The following NCKAP5 variants were observed in gnomAD, a reference collection of about 807,000 sequenced individuals.
NCKAP5 encodes the protein NCK associated protein 5, also known as nck-associated protein 5.
A neutral mutation model predicts 167.0 loss-of-function variants in NCKAP5; 92 were observed. The observed-to-expected ratio is 0.55, with a 90% CI of 0.47 to 0.66. The LOEUF (loss-of-function observed/expected upper bound fraction) is 0.66. Among genes scored for constraint, NCKAP5 ranks in the 30% least tolerant of loss-of-function variants. The probability of loss-of-function intolerance (pLI) is 0.00; values close to 1 mark genes in which losing one functional copy is unlikely to be tolerated. For missense variants in NCKAP5, 2,378 were observed against 2,315.0 expected, an observed-to-expected ratio of 1.03 and a Z score of -0.56; for synonymous variants, 891 against 877.4, an observed-to-expected ratio of 1.02 and a Z score of -0.27.
At chr2:132,815,646 T>C (rs72847244) in intron 11 of NCKAP5, among the ~76,000 whole-genome samples, 28,206 of 152,212 alleles carry the variant, frequency 0.19, 2,918 homozygotes, top group East Asian at 0.3. Flanking sequence ...TTAACTTGAA[T>C]GTACAAAAAT....
At chr2:132,787,580 T>G (rs1015011227) in intron 13 of NCKAP5, among the ~76,000 whole-genome samples, 5 of 152,206 alleles carry the variant, frequency 3.3e-5, no homozygotes, top group Non-Finnish European at 7.3e-5. Flanking sequence ...AAATTACTCT[T>G]GCTATCAACA....
At chr2:133,522,909 G>T (rs1432759535) in intron 2 of NCKAP5, among the ~76,000 whole-genome samples, 1 of 152,168 alleles carries the variant, frequency 6.6e-6, no homozygotes, top group Non-Finnish European at 1.5e-5. Flanking sequence ...TCAGAGCAAT[G>T]GGTTGGAGGC....
At chr2:133,507,155 C>T (rs1374339343) in intron 3 of NCKAP5, among the ~76,000 whole-genome samples, 1 of 152,182 alleles carries the variant, frequency 6.6e-6, no homozygotes, top group African/African-American at 2.4e-5. Context: ...TCACTCTCAG[C>T]GTTCACCAAC....
At chr2:133,349,776 C>T (rs1483487177) in intron 3 of NCKAP5, among the ~76,000 whole-genome samples, 1 of 152,190 alleles carries the variant, frequency 6.6e-6, no homozygotes, top group African/African-American at 2.4e-5. Context: ...AAACAGTTCA[C>T]TTCCTTCCAA....
rs1165568563 is a variant in NCKAP5 at position 133,330,053 on chromosome 2, CTTTTTTT to C, written c.70-26950_70-26944del. The stretch of plus-strand genomic sequence containing the variant: ...GGGAATGTGGCCAAGAAAGCAAGAC[CTTTTTTT>C]TTTTTTTTTTTTTTTTTTTTTTCTG... On this transcript the variant is annotated intron_variant, in intron 3 of 19. Transcript: ENST00000409261. 3.9e-4 allele frequency among the ~76,000 whole-genome samples: 33 copies of C among 85,698 alleles called. No homozygotes were observed. In the East Asian group the frequency reaches 8.0e-3, roughly 21 times the overall value. The allele number at this position is 85,698 out of a possible 152,430, so 56.2% of individuals were successfully genotyped here. A position where few individuals can be genotyped will look rare whatever the true frequency, so the allele number is the denominator to read the frequency against.
rs568422939 is a variant in NCKAP5, at chr2:133,221,967, C to G, written c.144-8188G>C. Among the ~76,000 whole-genome samples the G allele has an allele frequency of 8.5e-5, 13 of 152,254 alleles. No homozygotes were observed. In the East Asian group the frequency reaches 1.9e-3, roughly 23 times the overall value. ...GTCACTTCTTTGAGAGATACTGGACCTATTTTACTTTTGCATTTAAAAAGA... is the reference window on the plus strand; with the variant it reads ...GTCACTTCTTTGAGAGATACTGGACGTATTTTACTTTTGCATTTAAAAAGA... On this transcript the variant is annotated intron_variant, in intron 4 of 19. Transcript: ENST00000409261.
intron 6 of NCKAP5, among the ~76,000 whole-genome samples, chr2:133,038,008 A>G (rs1433412553): frequency 6.6e-6 from 1 of 152,180 alleles, no homozygotes. Flanking sequence ...ACCCTTGTAA[A>G]CTGTTGGTGG....
At chr2:133,357,520 A>C (rs1265298267) in intron 3 of NCKAP5, among the ~76,000 whole-genome samples, 1 of 152,204 alleles carries the variant, frequency 6.6e-6, no homozygotes, top group Non-Finnish European at 1.5e-5. Context: ...TGTTAACAGG[A>C]CACAGCTAAG....
At chr2:133,241,085 G>A (rs751990436) in intron 4 of NCKAP5, among the ~76,000 whole-genome samples, 7 of 152,156 alleles carry the variant, frequency 4.6e-5, no homozygotes, top group Admixed American at 6.5e-5. Context: ...TGACTAGCAG[G>A]CAAAGAAAAC....
chr2:133,526,770 T>C (rs1684960003), intron 2 of NCKAP5, among the ~76,000 whole-genome samples: 1 of 152,090 alleles, frequency 6.6e-6, no homozygotes, highest in Non-Finnish European at 1.5e-5. Context: ...TTATAATACA[T>C]TACATAAAAC....
chr2:133,217,843 CCT>C (rs1444641074), intron 4 of NCKAP5, among the ~76,000 whole-genome samples: 1 of 151,998 alleles, frequency 6.6e-6, no homozygotes, highest in Non-Finnish European at 1.5e-5. Context: ...ACACATATAC[CCT>C]GATTCCCACA....
intron 8 of NCKAP5, among the ~76,000 whole-genome samples, chr2:132,885,653 G>A (rs1399759187): frequency 6.6e-6 from 1 of 152,152 alleles, no homozygotes; most frequent in African/African-American, 2.4e-5. Context: ...GTGGAAAAGG[G>A]GTTTGACTTG....
At chr2:133,469,901 C>T (rs7573825) in intron 3 of NCKAP5, among the ~76,000 whole-genome samples, 67,285 of 143,118 alleles carry the variant, frequency 0.47, 17,454 homozygotes, top group East Asian at 0.68. Context: ...TTATTCTAGT[C>T]ATACATTCTT....
the NCKAP5 span, among the ~76,000 whole-genome samples, chr2:133,574,554 G>A: frequency 1.3e-5 from 2 of 151,772 alleles, no homozygotes; most frequent in Non-Finnish European, 2.9e-5. Flanking sequence ...GGCAAGGAAG[G>A]TGGCTCAGGG....
chr2:133,200,799 C>A (rs975585266), intron 5 of NCKAP5, among the ~76,000 whole-genome samples: 1 of 152,066 alleles, frequency 6.6e-6, no homozygotes, highest in African/African-American at 2.4e-5. Context: ...GCAAACAGCC[C>A]AAATATCTGT....
At chr2:132,977,790 T>G (rs537520369) in intron 7 of NCKAP5, among the ~76,000 whole-genome samples, 6 of 152,250 alleles carry the variant, frequency 3.9e-5, no homozygotes, top group Admixed American at 6.5e-5. Context: ...CAGGCAAAAC[T>G]CAGTGCATAG....
intron 3 of NCKAP5, among the ~76,000 whole-genome samples, chr2:133,475,997 C>T (rs564589825): frequency 1.2e-4 from 18 of 152,210 alleles, no homozygotes; most frequent in Non-Finnish European, 1.8e-4. Context: ...AAAATCAGTT[C>T]TGTACTGTGC....
chr2:132,906,387 T>A (rs1271709259), intron 8 of NCKAP5, among the ~76,000 whole-genome samples: 1 of 152,172 alleles, frequency 6.6e-6, no homozygotes, highest in Non-Finnish European at 1.5e-5. Flanking sequence ...ATTTTCTAGA[T>A]GAGAGATTAT....
chr2:133,316,099 C>T (rs1681590841), intron 3 of NCKAP5, among the ~76,000 whole-genome samples: 1 of 152,164 alleles, frequency 6.6e-6, no homozygotes, highest in Non-Finnish European at 1.5e-5. Context: ...AGGATGTTGC[C>T]AGTTCTCCTT....
Sources: gnomAD v4.1 joint callset for allele counts (sites outside exome capture counted in the v4.1 genomes callset) on GRCh38, gnomAD v4.1.1 for gene constraint, MANE v1.5 for transcripts, NCBI Gene and HGNC (gene_info 2026-07-23, HGNC 2026-07-21) for gene names.